HAUS7: variants seen among roughly 807,000 people sequenced by gnomAD.
HAUS7 encodes HAUS augmin like complex subunit 7.
HAUS7 carries 3 observed loss-of-function variants against 28.4 expected under a neutral mutation model. The observed-to-expected ratio is 0.11, with a 90% CI of 0.05 to 0.27. The LOEUF (loss-of-function observed/expected upper bound fraction) is 0.27. Ranked by LOEUF, HAUS7 falls within the 10% of genes least tolerant of loss-of-function variation. The probability of loss-of-function intolerance (pLI) is 1.00; values close to 1 mark genes in which losing one functional copy is unlikely to be tolerated. For missense variants in HAUS7, 284 were observed against 297.3 expected (o/e 0.96, Z 0.33); for synonymous variants, 165 against 132.1 (o/e 1.25, Z -1.71).
chrX:153,452,606 A>C (rs1163088994), intron 9 of HAUS7, among the ~76,000 whole-genome samples: 1 of 112,550 alleles, frequency 8.9e-6, no homozygotes, highest in Non-Finnish European at 1.9e-5. Context: ...ATACTATTGA[A>C]ATTCATTTGG....
intron 1 of HAUS7, chrX:153,487,104 C>T (rs1354293341): frequency 1.1e-4 from 27 of 240,791 alleles, no homozygotes; most frequent in South Asian, 1.0e-3. Context: ...CATGTCCGTG[C>T]GGTTCCTGGG....
At chrX:153,477,686 C>G (rs1217688797) in intron 1 of HAUS7, among the ~76,000 whole-genome samples, 3 of 112,813 alleles carry the variant, frequency 2.7e-5, no homozygotes, top group Non-Finnish European at 5.6e-5. Flanking sequence ...GTGTCACCCA[C>G]AGGACGCACA....
intron 3 of HAUS7, among the ~76,000 whole-genome samples, chrX:153,464,374 C>T (rs2089431312): frequency 8.9e-6 from 1 of 112,810 alleles, no homozygotes; most frequent in Admixed American, 9.3e-5. Flanking sequence ...TGGCCCACTT[C>T]AGCACAGGAA....
At chrX:153,479,515 T>C in intron 1 of HAUS7, 1 of 353,900 alleles carries the variant, frequency 2.8e-6, no homozygotes, top group Non-Finnish European at 3.7e-6. Context: ...GCGAGGGGTG[T>C]GCGCAGACTC....
intron 9 of HAUS7, among the ~76,000 whole-genome samples, chrX:153,449,879 T>C (rs1298384784): frequency 2.7e-5 from 3 of 112,468 alleles, no homozygotes; most frequent in African/African-American, 9.7e-5. Context: ...TCTCTCTTCT[T>C]AGAGATCCCA....
At chrX:153,458,392 G>A (rs1016452272) in intron 4 of HAUS7, among the ~76,000 whole-genome samples, 1 of 113,094 alleles carries the variant, frequency 8.8e-6, no homozygotes, top group Admixed American at 9.3e-5. Flanking sequence ...CACAGCAATG[G>A]AATCATACAC....
chrX:153,482,826 G>A lies in HAUS7; in HGVS notation c.-588-11681C>T, dbSNP rs2089609549. ...AGCCTGCTCTATCTGAGGCTGGACC[G>A]GAACCGGCTGCGGGCCATCCCACGC... On this transcript the variant is annotated intron_variant, in intron 1 of 5. Transcript: ENST00000370210. The A allele has an allele frequency of 8.8e-6, 6 of 684,662 alleles. No homozygotes were observed. The South Asian group carries it at 3.0e-4, about 34-fold the overall frequency. The allele number at this position is 684,662 out of a possible 1,213,427, so 56.4% of individuals were successfully genotyped here. A position where few individuals can be genotyped will look rare whatever the true frequency, so the allele number is the denominator to read the frequency against.
intron 1 of HAUS7, among the ~76,000 whole-genome samples, chrX:153,487,733 TCTGA>T (rs1419400260): frequency 8.9e-6 from 1 of 112,583 alleles, no homozygotes; most frequent in Admixed American, 9.3e-5. Context: ...GGCCAGAGTT[TCTGA>T]CTGTCTGCCT....
chrX:153,474,703 A>AGGCGGGGGCGGG (rs782113268), upstream of HAUS7, among the ~76,000 whole-genome samples: 11 of 36,604 alleles, frequency 3.0e-4, 1 homozygote, highest in South Asian at 7.5e-3. Context: ...GCAACGGGAG[A>AGGCGGGGGCGGG]GGCGGGGGCG....
intron 5 of HAUS7, 58 bp from the exon 6 acceptor site, chrX:153,456,709 C>T (rs990733093): frequency 2.1e-6 from 2 of 973,551 alleles, no homozygotes; most frequent in Non-Finnish European, 2.8e-6. Context: ...GCCCAGCAGG[C>T]CCTCAGCCCC....
intron 4 of HAUS7, among the ~76,000 whole-genome samples, chrX:153,460,872 G>A (rs931269892): frequency 2.7e-5 from 3 of 112,509 alleles, no homozygotes; most frequent in Non-Finnish European, 3.8e-5. Context: ...CAGGAAAAGG[G>A]AGCCCCAGGG....
chrX:153,448,873 GCCC>G (rs1237675569), intron 9 of HAUS7, among the ~76,000 whole-genome samples: 1 of 112,229 alleles, frequency 8.9e-6, no homozygotes, highest in African/African-American at 3.2e-5. Context: ...CCTGCCCCCT[GCCC>G]CCCAAGCCCC....
intron 1 of HAUS7, chrX:153,481,500 G>A (rs2089599715): frequency 2.6e-6 from 2 of 756,415 alleles, no homozygotes; most frequent in Non-Finnish European, 3.1e-6. Flanking sequence ...ACAGGCACAG[G>A]CACGCAGACC....
At chrX:153,475,910 A>G (rs906164579) in intron 1 of HAUS7, among the ~76,000 whole-genome samples, 4 of 110,564 alleles carry the variant, frequency 3.6e-5, no homozygotes, top group Admixed American at 9.5e-5. Flanking sequence ...CCTCCTCGCA[A>G]CCCCGCCTCC....
chrX:153,450,464 T>A (rs1218380481), intron 9 of HAUS7, among the ~76,000 whole-genome samples: 3 of 112,209 alleles, frequency 2.7e-5, no homozygotes, highest in Admixed American at 9.4e-5. Context: ...CCGCTGCCCC[T>A]TGGGCTGTCC....
intron 1 of HAUS7, chrX:153,482,458 T>C: frequency 1.3e-6 from 1 of 755,876 alleles, no homozygotes; most frequent in Non-Finnish European, 1.6e-6. Context: ...GCAGCTTCCG[T>C]GGTGCGGGCG....
In HAUS7 at chrX:153,454,460, C is replaced by T; in HGVS notation, c.979G>A (p.Glu327Lys). The stretch of plus-strand genomic sequence containing the variant: ...TCGCCTTGCTGCTTCTTCACGGTCT[C>T]CACGGCCTTCGCAGAGGTGTCAGCA... ...AVADTSAKAVETVKKQQGEQI... is the reference protein window; with the variant it reads ...AVADTSAKAVKTVKKQQGEQI... Residue 327 changes from glutamate (E) to lysine (K), a missense_variant, in exon 9 of 10, where the codon GAG (glutamate) becomes AAG (lysine). Transcript: ENST00000370211. The T allele has an allele frequency of 8.5e-7, 1 of 1,172,869 alleles. No homozygotes were observed. Among genetic ancestry groups the T allele is most frequent in the Non-Finnish European group, 1.1e-6 (1 of 871,227 alleles).
intron 1 of HAUS7, chrX:153,485,640 G>A (rs983513114): frequency 1.0e-5 from 3 of 286,899 alleles, no homozygotes; most frequent in Admixed American, 7.8e-5. Context: ...TTGAGAGTTC[G>A]GGTTGCGGCT....
intron 7 of HAUS7, among the ~76,000 whole-genome samples, 183 bp downstream of exon 7, chrX:153,456,082 G>C (rs2089303674): frequency 8.9e-6 from 1 of 112,502 alleles, no homozygotes; most frequent in Non-Finnish European, 1.9e-5. Flanking sequence ...AATACCTGAG[G>C]CTGATCCCTT....
Sources: allele counts gnomAD v4.1 joint callset (sites outside exome capture counted in the v4.1 genomes callset), GRCh38; gene constraint gnomAD v4.1.1; transcripts MANE v1.5; gene names NCBI Gene and HGNC (gene_info 2026-07-23, HGNC 2026-07-21).